Variants in DPP10 observed in about 807,000 individuals in gnomAD.
DPP10 encodes the protein dipeptidyl peptidase like 10, also known as inactive dipeptidyl peptidase 10.
A neutral mutation model predicts 120.9 loss-of-function variants in DPP10; 33 were observed. The observed-to-expected ratio is 0.27, with a 90% CI of 0.21 to 0.37. The LOEUF (loss-of-function observed/expected upper bound fraction) is 0.37, where lower values mean the gene tolerates loss of function less well. DPP10 is among the 10% of genes least tolerant of loss of function. The pLI, the probability that DPP10 is intolerant of heterozygous loss-of-function variation, is 1.00. For synonymous variants in DPP10, 337 were observed against 326.1 expected (o/e 1.03, Z -0.36); for missense variants, 816 against 942.8 (o/e 0.87, Z 1.76).
chr2:115,431,545 G>T (rs965891136), intron 3 of DPP10, among the ~76,000 whole-genome samples: 2 of 152,124 alleles, frequency 1.3e-5, no homozygotes, highest in African/African-American at 4.8e-5. Context: ...AATGATCTCT[G>T]AGTGGGAATT....
intron 1 of DPP10, among the ~76,000 whole-genome samples, chr2:114,771,268 A>T (rs1441589565): frequency 6.6e-6 from 1 of 152,220 alleles, no homozygotes. Context: ...GACATTAGCC[A>T]TTAGCCCAAC....
chr2:114,712,436 G>A (rs1306419148), intron 1 of DPP10, among the ~76,000 whole-genome samples: 2 of 152,114 alleles, frequency 1.3e-5, no homozygotes, highest in African/African-American at 4.8e-5. Context: ...GCTCAGATGG[G>A]CAAATAGCTC....
intron 1 of DPP10, among the ~76,000 whole-genome samples, chr2:114,628,773 G>A (rs1694700688): frequency 6.6e-5 from 10 of 152,092 alleles, no homozygotes; most frequent in Admixed American, 6.6e-4. Context: ...CGAACGAACG[G>A]CTGTCCTTGA....
At chr2:115,351,540 A>G (rs2064035476) in intron 3 of DPP10, among the ~76,000 whole-genome samples, 1 of 152,132 alleles carries the variant, frequency 6.6e-6, no homozygotes, top group African/African-American at 2.4e-5. Flanking sequence ...AAAATTTTAA[A>G]AATCAAATAA....
At chr2:115,639,465 G>C (rs1284026287) in intron 5 of DPP10, among the ~76,000 whole-genome samples, 1 of 152,164 alleles carries the variant, frequency 6.6e-6, no homozygotes, top group South Asian at 2.1e-4. Flanking sequence ...AACAGGAAAC[G>C]AAGTCAGGTG....
At chr2:115,539,817 T>TA (rs201683537) in intron 5 of DPP10, among the ~76,000 whole-genome samples, 31,618 of 146,190 alleles carry the variant, frequency 0.22, 4,651 homozygotes, top group African/African-American at 0.42. Context: ...AACTTCAAGT[T>TA]AAAAAAAAAA....
At chr2:114,615,882 C>A (rs938663781) in intron 1 of DPP10, among the ~76,000 whole-genome samples, 1 of 152,038 alleles carries the variant, frequency 6.6e-6, no homozygotes, top group Non-Finnish European at 1.5e-5. Context: ...CTAAAGAATA[C>A]AGAGTTTGCC....
chr2:115,509,270 G>C (rs79755416), intron 4 of DPP10, among the ~76,000 whole-genome samples: 2,303 of 152,228 alleles, frequency 0.015, 47 homozygotes, highest in African/African-American at 0.052. Flanking sequence ...CAGCAGAGAA[G>C]AGAAAGATTT....
At chr2:115,585,102 A>G (rs189914040) in intron 5 of DPP10, among the ~76,000 whole-genome samples, 160 of 152,316 alleles carry the variant, frequency 1.1e-3, no homozygotes, top group African/African-American at 3.8e-3. Context: ...GTGGGCCTGT[A>G]TGTGACAGAA....
chr2:114,647,128 C>T (rs1696200954), intron 1 of DPP10, among the ~76,000 whole-genome samples: 1 of 152,206 alleles, frequency 6.6e-6, no homozygotes, highest in African/African-American at 2.4e-5. Context: ...AGAAAGCAAG[C>T]TGAACACGTT....
chr2:115,009,338 C>G (rs948780779), intron 1 of DPP10, among the ~76,000 whole-genome samples: 1 of 150,754 alleles, frequency 6.6e-6, no homozygotes, highest in African/African-American at 2.4e-5. Flanking sequence ...AACAAAAAAC[C>G]AAACACCACA....
intron 1 of DPP10, among the ~76,000 whole-genome samples, chr2:114,785,721 C>T (rs1682710442): frequency 1.3e-5 from 2 of 152,106 alleles, no homozygotes; most frequent in South Asian, 4.1e-4. Flanking sequence ...ACCCTGGAAA[C>T]AGACAGTCTA....
chr2:114,899,669 G>C (rs1051771844), intron 1 of DPP10, among the ~76,000 whole-genome samples: 1 of 146,710 alleles, frequency 6.8e-6, no homozygotes, highest in East Asian at 2.0e-4. Context: ...AGATTTATTC[G>C]TGTTAGGGCC....
chr2:115,173,861 G>T (rs1422338062), intron 1 of DPP10, among the ~76,000 whole-genome samples: 2 of 152,126 alleles, frequency 1.3e-5, no homozygotes, highest in African/African-American at 4.8e-5. Flanking sequence ...AGTTGAGAAC[G>T]ATAAAGGCTG....
chr2:115,820,465 C>T (rs114830967), intron 21 of DPP10, among the ~76,000 whole-genome samples: 2,858 of 148,294 alleles, frequency 0.019, 36 homozygotes, highest in Non-Finnish European at 0.031. Context: ...GGTTTGAGGA[C>T]TAGGTGGTGT....
chr2:115,343,743 C>T, intron 2 of DPP10, 74 bp from the exon 3 acceptor site: 1 of 1,001,476 alleles, frequency 1.0e-6, no homozygotes, highest in South Asian at 1.6e-5. Flanking sequence ...GCAAATATTC[C>T]AAATTTTGTA....
intron 1 of DPP10, among the ~76,000 whole-genome samples, chr2:114,784,633 A>G (rs182068743): frequency 4.6e-5 from 7 of 152,194 alleles, no homozygotes; most frequent in South Asian, 2.1e-4. Flanking sequence ...TTTCCCCCCA[A>G]TATCCATAAC....
rs547586007 is a variant in DPP10 at position 115,188,746 on chromosome 2, G to A, written c.61-120493G>A. Reference sequence around the variant, plus strand: ...TACACCTCTTTATGGAGAGGAATTTGACAGTGTCTAGTAAAATTATATATA... The same window carrying A: ...TACACCTCTTTATGGAGAGGAATTTAACAGTGTCTAGTAAAATTATATATA... On this transcript the variant is annotated intron_variant, in intron 1 of 25. Transcript: ENST00000410059. 6.0e-4 allele frequency among the ~76,000 whole-genome samples: 91 copies of A among 152,118 alleles called. 1 individual carries two copies. In the East Asian group the frequency reaches 0.016, roughly 27 times the overall value.
chr2:115,201,184 C>T (rs963206587), intron 1 of DPP10, among the ~76,000 whole-genome samples: 10 of 152,254 alleles, frequency 6.6e-5, no homozygotes, highest in East Asian at 3.9e-4. Context: ...CAGAACCGGC[C>T]GGGTGCAGTG....
Sources: gnomAD v4.1 joint callset for allele counts (sites outside exome capture counted in the v4.1 genomes callset) on GRCh38, gnomAD v4.1.1 for gene constraint, MANE v1.5 for transcripts, NCBI Gene and HGNC (gene_info 2026-07-23, HGNC 2026-07-21) for gene names.